DNM3: variants seen among roughly 807,000 people sequenced by gnomAD.
The protein encoded by DNM3 is dynamin 3, also known as dynamin-3.
Under a neutral mutation model 101.6 loss-of-function variants are expected in DNM3, and 47 were observed. The observed-to-expected ratio is 0.46, with a 90% CI of 0.37 to 0.59. The LOEUF (loss-of-function observed/expected upper bound fraction) is 0.59, where lower values mean the gene tolerates loss of function less well. Ranked by LOEUF, DNM3 falls within the 20% of genes least tolerant of loss-of-function variation. The probability of loss-of-function intolerance (pLI) is 0.00; values close to 1 mark genes in which losing one functional copy is unlikely to be tolerated. For missense variants in DNM3, 849 were observed against 1,085.7 expected, an observed-to-expected ratio of 0.78 and a Z score of 3.06; for synonymous variants, 385 against 387.9, an observed-to-expected ratio of 0.99 and a Z score of 0.09.
At chr1:171,948,055 T>C (rs1571774354) in intron 2 of DNM3, among the ~76,000 whole-genome samples, 1 of 152,200 alleles carries the variant, frequency 6.6e-6, no homozygotes, top group South Asian at 2.1e-4. Flanking sequence ...CTACCCAGGG[T>C]TAGCACCTAA....
intron 2 of DNM3, among the ~76,000 whole-genome samples, chr1:171,929,611 C>T (rs2040844710): frequency 6.6e-6 from 1 of 150,574 alleles, no homozygotes; most frequent in East Asian, 2.0e-4. Flanking sequence ...GGACCGCTTC[C>T]ACCCCTAGTC....
intron 14 of DNM3, among the ~76,000 whole-genome samples, chr1:172,219,935 A>G (rs1444390811): frequency 6.6e-6 from 1 of 152,202 alleles, no homozygotes; most frequent in African/African-American, 2.4e-5. Flanking sequence ...ACACATGAGC[A>G]GGGAATTTTT....
intron 4 of DNM3, among the ~76,000 whole-genome samples, chr1:171,989,548 T>C (rs1450074401): frequency 6.6e-6 from 1 of 152,146 alleles, no homozygotes; most frequent in Non-Finnish European, 1.5e-5. Flanking sequence ...TTTGTGTTTT[T>C]TACTTTGTCT....
chr1:172,118,898 GC>G (rs765865878), intron 13 of DNM3, among the ~76,000 whole-genome samples: 2 of 152,008 alleles, frequency 1.3e-5, no homozygotes, highest in African/African-American at 2.4e-5. Context: ...AAAGACAAAG[GC>G]CTGGCACAGA....
chr1:172,396,387 ATTAAT>A (rs1337128515), intron 20 of DNM3, among the ~76,000 whole-genome samples: 1 of 152,264 alleles, frequency 6.6e-6, no homozygotes, highest in Non-Finnish European at 1.5e-5. Context: ...CCTATTGGGA[ATTAAT>A]TTAAACATTA....
intron 4 of DNM3, among the ~76,000 whole-genome samples, chr1:172,026,294 A>C (rs150236555): frequency 0.011 from 1,653 of 152,268 alleles, 35 homozygotes; most frequent in African/African-American, 0.038. Context: ...GCCTCCAAGA[A>C]ATATGGGGCT....
intron 17 of DNM3, among the ~76,000 whole-genome samples, chr1:172,339,643 C>T (rs944369627): frequency 4.6e-5 from 7 of 152,168 alleles, no homozygotes; most frequent in African/African-American, 1.7e-4. Context: ...GAGTCACCTC[C>T]CAGTTGATAT....
chr1:172,194,848 T>C (rs1452612658), intron 14 of DNM3, among the ~76,000 whole-genome samples: 1 of 152,138 alleles, frequency 6.6e-6, no homozygotes, highest in Non-Finnish European at 1.5e-5. Context: ...ATTGGAGTCT[T>C]TAGCCCATTT....
rs746472794 is a variant in DNM3, at chr1:172,379,159, A to G, written c.2035A>G (p.Ile679Val). ...KCIRDLIPKT[I>V]MHLMINNVKD... ...TATCCGAGATCTAATTCCAAAAACA[A>G]TAATGCACCTTATGATCAATAACGT... The change falls in exon 18 of 21, where the codon ATA becomes GTA. Residue 679 changes from isoleucine (I) to valine (V), a missense_variant. Ile to Val is a conservative substitution (Grantham distance 29, BLOSUM62 3). This residue lies in a region of DNM3 where 256 missense variants were observed against 311.7 expected (regional missense o/e 0.82). Transcript: ENST00000627582. 1 of 1,609,756 alleles carries G rather than the reference A, an allele frequency of 6.2e-7. No individual in the cohort carries two copies. Among genetic ancestry groups the G allele is most frequent in the African/African-American group, 1.3e-5 (1 of 74,772 alleles).
chr1:172,184,745 T>A (rs1219008887), intron 14 of DNM3, among the ~76,000 whole-genome samples: 2 of 152,132 alleles, frequency 1.3e-5, no homozygotes, highest in Non-Finnish European at 2.9e-5. Context: ...GGACTTGATA[T>A]GTGCATTCTC....
intron 1 of DNM3, among the ~76,000 whole-genome samples, chr1:171,867,075 G>A (rs970987751): frequency 1.3e-5 from 2 of 152,242 alleles, no homozygotes; most frequent in Admixed American, 6.5e-5. Context: ...ATGGAGTTCA[G>A]CCTTTGAAGT....
At chr1:172,318,153 A>G (rs1032414145) in intron 16 of DNM3, among the ~76,000 whole-genome samples, 1 of 152,248 alleles carries the variant, frequency 6.6e-6, no homozygotes, top group Non-Finnish European at 1.5e-5. Context: ...TTATTTCAAT[A>G]GATGCAGAAA....
At chr1:172,225,541 T>C (rs1026130490) in intron 14 of DNM3, among the ~76,000 whole-genome samples, 1 of 151,558 alleles carries the variant, frequency 6.6e-6, no homozygotes, top group Admixed American at 6.6e-5. Context: ...TAGCTTCTAT[T>C]CTCAACTCTT....
chr1:172,112,782 T>A (rs768188861), intron 13 of DNM3, among the ~76,000 whole-genome samples: 4 of 152,210 alleles, frequency 2.6e-5, no homozygotes, highest in Non-Finnish European at 5.9e-5. Flanking sequence ...GCTCTATGCC[T>A]CACAGTGTTC....
intron 12 of DNM3, among the ~76,000 whole-genome samples, chr1:172,089,364 A>G (rs1430591500): frequency 1.3e-5 from 2 of 152,196 alleles, no homozygotes; most frequent in South Asian, 4.1e-4. Flanking sequence ...ATGTTTTATA[A>G]TATTTCAGAG....
intron 1 of DNM3, among the ~76,000 whole-genome samples, chr1:171,907,899 T>C (rs116025834): frequency 0.014 from 2,182 of 152,294 alleles, 59 homozygotes; most frequent in African/African-American, 0.048. Flanking sequence ...ACATACAGAA[T>C]TGGAATATAT....
At chr1:171,972,491 T>C (rs980335283) in intron 2 of DNM3, among the ~76,000 whole-genome samples, 7 of 152,208 alleles carry the variant, frequency 4.6e-5, no homozygotes, top group African/African-American at 1.7e-4. Context: ...GCATATACTA[T>C]AATAGTGATA....
chr1:172,276,965 A>C (rs977375682), intron 15 of DNM3, among the ~76,000 whole-genome samples: 5 of 152,068 alleles, frequency 3.3e-5, no homozygotes, highest in Non-Finnish European at 5.9e-5. Context: ...AATTCAAAAA[A>C]AGTTCATTAT....
chr1:172,329,064 T>G (rs1333703434), intron 17 of DNM3, among the ~76,000 whole-genome samples: 7 of 33,998 alleles, frequency 2.1e-4, no homozygotes, highest in South Asian at 1.5e-3. Context: ...AGAATTTGTG[T>G]TTTTTTTTGT....
Sources: allele counts gnomAD v4.1 joint callset (sites outside exome capture counted in the v4.1 genomes callset), GRCh38; gene constraint gnomAD v4.1.1; regional missense constraint gnomAD v4.1.1; transcripts MANE v1.5; gene names NCBI Gene and HGNC (gene_info 2026-07-23, HGNC 2026-07-21).